The following EPB41L3 variants were observed in gnomAD, a reference collection of about 807,000 sequenced individuals.
EPB41L3 encodes the protein erythrocyte membrane protein band 4.1 like 3, also known as band 4.1-like protein 3.
A neutral mutation model predicts 127.1 loss-of-function variants in EPB41L3; 57 were observed. The observed-to-expected ratio is 0.45, with a 90% CI of 0.36 to 0.56. The LOEUF (loss-of-function observed/expected upper bound fraction) is 0.56. Among genes scored for constraint, EPB41L3 ranks in the 20% least tolerant of loss-of-function variants. EPB41L3 has a pLI of 0.00. For missense variants in EPB41L3, 1,273 were observed against 1,372.2 expected (o/e 0.93, Z 1.14); for synonymous variants, 572 against 549.5 (o/e 1.04, Z -0.57).
At chr18:5,577,567 C>T in intron 3 of EPB41L3, 1 of 314,052 alleles carries the variant, frequency 3.2e-6, no homozygotes, top group Non-Finnish European at 6.2e-6. Flanking sequence ...GAAGCAATAA[C>T]TGCACAGTAT....
chr18:5,627,831 C>T (rs1223017115), intron 1 of EPB41L3, among the ~76,000 whole-genome samples: 1 of 152,154 alleles, frequency 6.6e-6, no homozygotes, highest in Non-Finnish European at 1.5e-5. Context: ...CGGTTTTATA[C>T]CTCTGCTCCT....
In EPB41L3 at chr18:5,392,646, G is replaced by A. The variant is rs189939395; in HGVS notation, c.*839C>T. On this transcript the variant is annotated 3_prime_UTR_variant, in exon 23 of 23. Transcript: ENST00000341928. ...AAATCAATTAAAAAATACACGGCAC[G>A]GAAAAAGTAACTAAGAAAACAAAGC... 6.2e-3 allele frequency: 945 copies of A among 152,522 alleles called. 4 individuals carry two copies. The highest frequency in any genetic ancestry group is 0.01 in the Non-Finnish European group (682 of 67,994). The allele number at this position is 152,522 out of a possible 1,614,324, so 9.4% of individuals were successfully genotyped here.
upstream of EPB41L3, among the ~76,000 whole-genome samples, chr18:5,546,387 T>C (rs2093882081): frequency 6.6e-6 from 1 of 151,880 alleles, no homozygotes. Context: ...AAAAATTAGC[T>C]GGGCATAGTG....
chr18:5,492,382 T>C (rs1210802495), intron 1 of EPB41L3, among the ~76,000 whole-genome samples: 1 of 145,556 alleles, frequency 6.9e-6, no homozygotes, highest in Admixed American at 6.6e-5. Context: ...AATAAGCTTT[T>C]AGTGTTCTCC....
rs1568338949 is a variant in EPB41L3 at position 5,474,997 on chromosome 18, TTTC to T, written c.381+3241_381+3243del. Among the ~76,000 whole-genome samples the T allele has an allele frequency of 5.3e-5, 8 of 152,360 alleles. 1 individual carries two copies. Among genetic ancestry groups the T allele is most frequent in the Admixed American group, 4.6e-4 (7 of 15,312 alleles). Reference sequence around the variant, plus strand: ...ACTTCCTATAACTGCTACCTTAGTTTTTCTTTTTATACATAAAAGTTATGATAA... The same window carrying T: ...ACTTCCTATAACTGCTACCTTAGTTTTTTTTATACATAAAAGTTATGATAA... On this transcript the variant is annotated intron_variant, in intron 3 of 22. Coordinates refer to ENST00000341928, the MANE Select transcript of EPB41L3 (RefSeq NM_012307.5).
chr18:5,626,432 T>C (rs1341623100), intron 1 of EPB41L3, among the ~76,000 whole-genome samples: 1 of 152,256 alleles, frequency 6.6e-6, no homozygotes, highest in Non-Finnish European at 1.5e-5. Flanking sequence ...CCATATTTAT[T>C]TTTTAATCTT....
intron 3 of EPB41L3, among the ~76,000 whole-genome samples, chr18:5,557,406 C>T (rs2094053926): frequency 6.6e-6 from 1 of 152,078 alleles, no homozygotes; most frequent in African/African-American, 2.4e-5. Flanking sequence ...TTTTTTGAGA[C>T]AGGGTCTCAC....
intron 11 of EPB41L3, among the ~76,000 whole-genome samples, chr18:5,422,233 C>T (rs952234613): frequency 1.3e-5 from 2 of 152,008 alleles, no homozygotes; most frequent in Non-Finnish European, 2.9e-5. Flanking sequence ...TTCCACCTCG[C>T]TAGTAACATA....
rs371761671 is a variant in EPB41L3 at position 5,451,896 on chromosome 18, TG to T, written c.382-6653del. ...CTCTGTTGCCCCGGCTGGAGTCCAG[TG>T]GCGTGATCTCGGCTCACTGCAACCT... On this transcript the variant is annotated intron_variant, in intron 3 of 22. Coordinates refer to ENST00000341928, the MANE Select transcript of EPB41L3 (RefSeq NM_012307.5). 4.2e-3 allele frequency among the ~76,000 whole-genome samples: 637 copies of T among 152,292 alleles called. 10 individuals are homozygous for T. In the South Asian group the frequency reaches 0.051, roughly 12 times the overall value.
In EPB41L3 at chr18:5,484,093, A is replaced by AC. The variant is rs1165107946; in HGVS notation, c.183+4907_183+4908insG. ...AACAAGTCCAAACAAACTCAAAAAA[A>AC]AAAAAAAAAAAAAAAAAAAAAAAAA... On this transcript the variant is annotated intron_variant, in intron 2 of 22. Transcript: ENST00000341928. 8.6e-3 allele frequency among the ~76,000 whole-genome samples: 925 copies of AC among 107,726 alleles called. 21 individuals carry two copies. The highest frequency in any genetic ancestry group is 0.047 in the African/African-American group (843 of 18,068). 70.7% of individuals were successfully genotyped at this position (107,726 alleles called of 152,430 possible). A position where few individuals can be genotyped will look rare whatever the true frequency, so the allele number is the denominator to read the frequency against.
intron 20 of EPB41L3, 110 bp downstream of exon 20, chr18:5,395,499 G>A (rs2073242816): frequency 3.0e-6 from 3 of 1,007,228 alleles, no homozygotes; most frequent in African/African-American, 1.6e-5. Flanking sequence ...GGCGTCCTGA[G>A]CTTCAAGCCA....
Position 5,543,843 on chromosome 18 carries a change from G to T in EPB41L3, c.-12+70C>A, listed in dbSNP as rs1192909885. ...CCGCGCGCCTCGCCCCAGGCCTCGG[G>T]CTCTTCCTCCGCACCTCGTAAAGCC... On this transcript the variant is annotated intron_variant, in intron 1 of 22. Coordinates refer to ENST00000341928, the MANE Select transcript of EPB41L3 (RefSeq NM_012307.5). The surrounding 1 kb of genome is among the most constrained non-coding windows in gnomAD (Gnocchi z 5.2). 1.0e-6 allele frequency: 1 copy of T among 979,104 alleles called. No homozygotes were observed. The highest frequency in any genetic ancestry group is 1.2e-6 in the Non-Finnish European group (1 of 824,486). The allele number at this position is 979,104 out of a possible 1,614,324, so 60.7% of individuals were successfully genotyped here.
Position 5,537,943 on chromosome 18 carries a change from C to T in EPB41L3, c.-12+5970G>A, listed in dbSNP as rs532788481. On this transcript the variant is annotated intron_variant, in intron 1 of 22. Transcript: ENST00000341928. ...AATGGACAGTGTAAAATAAGCATTA[C>T]ATATTATAAAGTACATTTCAAAAAA... Among the ~76,000 whole-genome samples the T allele has an allele frequency of 3.3e-5, 5 of 152,242 alleles. No individual in the cohort carries two copies. The South Asian group carries it at 1.0e-3, about 32-fold the overall frequency.
intron 3 of EPB41L3, among the ~76,000 whole-genome samples, chr18:5,606,987 G>T (rs1391409555): frequency 6.6e-6 from 1 of 150,950 alleles, no homozygotes; most frequent in Non-Finnish European, 1.5e-5. Context: ...GGAAAAAAAG[G>T]GTGAATAACA....
chr18:5,452,668 T>C lies in EPB41L3; in HGVS notation c.382-7424A>G, dbSNP rs917023993. On this transcript the variant is annotated intron_variant, in intron 3 of 22. Coordinates refer to ENST00000341928, the MANE Select transcript of EPB41L3 (RefSeq NM_012307.5). ...ATGATAAACTGGCCAAATGCTAAAA[T>C]AAAATGACACAAATGAGAAAAACCA... is the stretch of plus-strand genomic sequence containing the variant. 5.7e-5 allele frequency among the ~76,000 whole-genome samples: 8 copies of C among 141,228 alleles called. 1 individual carries two copies. Among genetic ancestry groups the C allele is most frequent in the Admixed American group, 5.2e-4 (7 of 13,526 alleles). 92.7% of individuals were successfully genotyped at this position (141,228 alleles called of 152,430 possible). A position where few individuals can be genotyped will look rare whatever the true frequency, so the allele number is the denominator to read the frequency against.
At chr18:5,474,985 G>T (rs11081202) in intron 3 of EPB41L3, among the ~76,000 whole-genome samples, 116,999 of 152,134 alleles carry the variant, frequency 0.77, 45,538 homozygotes, top group African/African-American at 0.88. Context: ...TCCTATAACT[G>T]CTACCTTAGT....
chr18:5,606,980 A>G (rs982341379), intron 3 of EPB41L3, among the ~76,000 whole-genome samples: 1 of 151,906 alleles, frequency 6.6e-6, no homozygotes, highest in African/African-American at 2.4e-5. Flanking sequence ...TAATACAGGA[A>G]AAAAAGGGTG....
At chr18:5,476,972 A>G (rs1292014062) in intron 3 of EPB41L3, among the ~76,000 whole-genome samples, 2 of 152,256 alleles carry the variant, frequency 1.3e-5, no homozygotes, top group East Asian at 1.9e-4. Context: ...ATAAATTGGT[A>G]TACAACAGAC....
intron 3 of EPB41L3, among the ~76,000 whole-genome samples, chr18:5,608,184 G>A (rs1392205327): frequency 1.3e-5 from 2 of 152,114 alleles, no homozygotes; most frequent in East Asian, 1.9e-4. Flanking sequence ...CGGGATGGTG[G>A]TGGAAGGAAG....
Sources: allele counts gnomAD v4.1 joint callset (sites outside exome capture counted in the v4.1 genomes callset), GRCh38; gene constraint gnomAD v4.1.1; non-coding constraint Gnocchi (gnomAD v3.1); transcripts MANE v1.5; gene names NCBI Gene and HGNC (gene_info 2026-07-23, HGNC 2026-07-21).